Variants in CDH20 observed in about 807,000 individuals in gnomAD.
The protein encoded by CDH20 is cadherin 20, also known as cadherin-20.
CDH20 carries 29 observed loss-of-function variants against 74.2 expected under a neutral mutation model. The ratio of observed to expected loss-of-function variants is 0.39; its 90% CI spans 0.29 to 0.53. The LOEUF is 0.53. CDH20 is among the 20% of genes least tolerant of loss of function. The probability of loss-of-function intolerance (pLI) is 0.69; values close to 1 mark genes in which losing one functional copy is unlikely to be tolerated. For synonymous variants in CDH20, 469 were observed against 405.4 expected, an observed-to-expected ratio of 1.16 and a Z score of -1.88; for missense variants, 988 against 1,048.3, an observed-to-expected ratio of 0.94 and a Z score of 0.79.
intron 6 of CDH20, among the ~76,000 whole-genome samples, chr18:61,515,275 C>T (rs1473129986): frequency 2.0e-5 from 3 of 152,066 alleles, no homozygotes; most frequent in Non-Finnish European, 4.4e-5. Context: ...AGGTGCTGTC[C>T]GTCACCCCTT....
At chr18:61,382,287 G>A (rs1911457864) in intron 1 of CDH20, among the ~76,000 whole-genome samples, 1 of 152,122 alleles carries the variant, frequency 6.6e-6, no homozygotes, top group Non-Finnish European at 1.5e-5. Context: ...ATAGTGATTA[G>A]GCTAACAATA....
intron 7 of CDH20, among the ~76,000 whole-genome samples, chr18:61,530,551 T>A (rs937729197): frequency 2.6e-5 from 4 of 152,206 alleles, no homozygotes; most frequent in Non-Finnish European, 5.9e-5. Flanking sequence ...ATGTTACAGA[T>A]AAAAGGCCAT....
chr18:61,442,212 A>C (rs1048532812), intron 1 of CDH20, among the ~76,000 whole-genome samples: 2 of 151,996 alleles, frequency 1.3e-5, no homozygotes, highest in Non-Finnish European at 2.9e-5. Context: ...TTGGCCAGGC[A>C]TGGTGGCATG....
intron 8 of CDH20, 139 bp downstream of exon 8, chr18:61,536,768 A>T: frequency 1.4e-6 from 1 of 725,164 alleles, no homozygotes; most frequent in East Asian, 2.7e-5. Flanking sequence ...GCAAGTAAGT[A>T]AATGCGTTCA....
At chr18:61,409,852 T>G (rs1357649614) in intron 1 of CDH20, among the ~76,000 whole-genome samples, 2 of 152,026 alleles carry the variant, frequency 1.3e-5, no homozygotes, top group African/African-American at 4.8e-5. Context: ...GCCAGTTGAT[T>G]TGAATTAGGC....
chr18:61,480,660 A>G (rs931464027), intron 1 of CDH20, among the ~76,000 whole-genome samples: 5 of 152,206 alleles, frequency 3.3e-5, no homozygotes, highest in African/African-American at 1.2e-4. Flanking sequence ...CGCAATTCTC[A>G]GATTGACTTC....
At chr18:61,474,160 C>T (rs1371018904) in intron 1 of CDH20, among the ~76,000 whole-genome samples, 3 of 152,166 alleles carry the variant, frequency 2.0e-5, no homozygotes, top group African/African-American at 7.2e-5. Flanking sequence ...TCACTCTCTA[C>T]CGAAAGAAGG....
intron 1 of CDH20, among the ~76,000 whole-genome samples, chr18:61,482,678 A>G (rs1910628584): frequency 6.6e-6 from 1 of 152,122 alleles, no homozygotes; most frequent in African/African-American, 2.4e-5. Context: ...TATTTTAAAT[A>G]GAGACGGGGT....
At chr18:61,414,705 G>A (rs188473733) in intron 1 of CDH20, among the ~76,000 whole-genome samples, 1 of 152,106 alleles carries the variant, frequency 6.6e-6, no homozygotes, top group African/African-American at 2.4e-5. Flanking sequence ...ACATTTTATA[G>A]AAACCAATTT....
intron 1 of CDH20, among the ~76,000 whole-genome samples, chr18:61,418,619 T>C (rs556953894): frequency 1.1e-4 from 16 of 151,284 alleles, no homozygotes; most frequent in Admixed American, 9.8e-4. Flanking sequence ...TAATACAATT[T>C]ACCATTTCTC....
intron 5 of CDH20, among the ~76,000 whole-genome samples, chr18:61,503,390 A>G (rs1911454351): frequency 6.6e-6 from 1 of 151,608 alleles, no homozygotes; most frequent in Non-Finnish European, 1.5e-5. Context: ...TGCCACGCCC[A>G]CCCACCCCAC....
chr18:61,336,932 G>C (rs2144080623), intron 1 of CDH20, among the ~76,000 whole-genome samples: 1 of 152,278 alleles, frequency 6.6e-6, no homozygotes, highest in East Asian at 1.9e-4. Flanking sequence ...CTGATGCCGA[G>C]AGGAGCCAAA....
At chr18:61,467,141 GA>G (rs1424819427) in intron 1 of CDH20, among the ~76,000 whole-genome samples, 1 of 151,842 alleles carries the variant, frequency 6.6e-6, no homozygotes, top group Non-Finnish European at 1.5e-5. Context: ...CATCTCTAAT[GA>G]CAGTATATAT....
chr18:61,431,111 G>A (rs1913237304), intron 1 of CDH20, among the ~76,000 whole-genome samples: 1 of 152,092 alleles, frequency 6.6e-6, no homozygotes, highest in African/African-American at 2.4e-5. Flanking sequence ...CTTATATCTT[G>A]GACTCATCCA....
At chr18:61,535,389 C>T (rs1420130514) in intron 7 of CDH20, among the ~76,000 whole-genome samples, 1 of 152,108 alleles carries the variant, frequency 6.6e-6, no homozygotes, top group Non-Finnish European at 1.5e-5. Context: ...ATAAGGTTCT[C>T]ATTGATGGTT....
intron 1 of CDH20, among the ~76,000 whole-genome samples, chr18:61,447,772 T>A (rs1196126533): frequency 6.6e-6 from 1 of 152,146 alleles, no homozygotes; most frequent in Non-Finnish European, 1.5e-5. Flanking sequence ...TGTCCTCTGC[T>A]CCCCTGGATG....
chr18:61,442,241 C>T (rs1908538698), intron 1 of CDH20, among the ~76,000 whole-genome samples: 2 of 151,982 alleles, frequency 1.3e-5, no homozygotes, highest in African/African-American at 4.8e-5. Context: ...GTCCCAGCTA[C>T]TTGGGAGACT....
chr18:61,502,718 A>T (rs1297740628), intron 4 of CDH20, among the ~76,000 whole-genome samples: 3 of 152,192 alleles, frequency 2.0e-5, no homozygotes, highest in Non-Finnish European at 4.4e-5. Flanking sequence ...TAATGTTGCC[A>T]GAAGAAACCA....
chr18:61,426,252 G>T (rs1329234817), intron 1 of CDH20, among the ~76,000 whole-genome samples: 2 of 152,020 alleles, frequency 1.3e-5, no homozygotes, highest in Non-Finnish European at 2.9e-5. Context: ...GTTGTTGTGA[G>T]GATTAAATGA....
Sources: gnomAD v4.1 joint callset for allele counts (sites outside exome capture counted in the v4.1 genomes callset) on GRCh38, gnomAD v4.1.1 for gene constraint, MANE v1.5 for transcripts, NCBI Gene and HGNC (gene_info 2026-07-23, HGNC 2026-07-21) for gene names.